The following AGGF1 variants were observed in gnomAD, a reference collection of about 807,000 sequenced individuals.
AGGF1 encodes the protein angiogenic factor with G-patch and FHA domains 1.
A neutral mutation model predicts 86.5 loss-of-function variants in AGGF1; 56 were observed. The ratio of observed to expected loss-of-function variants is 0.65; its 90% confidence interval spans 0.52 to 0.81. AGGF1 has a LOEUF of 0.81. Among genes scored for constraint, AGGF1 ranks in the 30% least tolerant of loss-of-function variants. The pLI is 0.00. For synonymous variants in AGGF1, 313 were observed against 297.1 expected (o/e 1.05, Z -0.55); for missense variants, 816 against 850.9 (o/e 0.96, Z 0.51).
intron 4 of AGGF1, among the ~76,000 whole-genome samples, chr5:77,037,202 A>G (rs1450996435): frequency 6.6e-6 from 1 of 152,216 alleles, no homozygotes. Flanking sequence ...AGAAGTCTTT[A>G]TGTATAAAAA....
chr5:77,041,383 AT>A lies in AGGF1; in HGVS notation c.870+1665del, dbSNP rs1221073436. ...GGAGTTCAAGACCAGCCTGGCCAAC[AT>A]GGTGAATCCCCGTCTCTACTAAAAA... On this transcript the variant is annotated intron_variant, in intron 5 of 13. Coordinates refer to ENST00000312916, the MANE Select transcript of AGGF1 (RefSeq NM_018046.5). Among the ~76,000 whole-genome samples, 24 of 152,164 alleles carry A rather than the reference AT, an allele frequency of 1.6e-4. No individual in the cohort carries two copies. The East Asian group carries it at 3.7e-3, about 23-fold the overall frequency.
chr5:77,043,663 G>A (rs1460642500), intron 5 of AGGF1, among the ~76,000 whole-genome samples: 3 of 141,266 alleles, frequency 2.1e-5, no homozygotes, highest in Admixed American at 1.4e-4. Flanking sequence ...TGGGGCGGCT[G>A]GCCGGGCGGG....
At chr5:77,054,273 C>A in intron 10 of AGGF1, 143 bp downstream of exon 10, 1 of 1,001,956 alleles carries the variant, frequency 1.0e-6, no homozygotes, top group Non-Finnish European at 1.5e-6. Flanking sequence ...AGCTATCAGT[C>A]TTGTATCCAG....
intron 8 of AGGF1, among the ~76,000 whole-genome samples, chr5:77,051,628 A>G (rs1747374877): frequency 6.6e-6 from 1 of 152,236 alleles, no homozygotes; most frequent in Non-Finnish European, 1.5e-5. Flanking sequence ...ACCACTTTGG[A>G]AAACAGTTAT....
chr5:77,050,487 G>A (rs1164491859), intron 8 of AGGF1, among the ~76,000 whole-genome samples: 1 of 151,530 alleles, frequency 6.6e-6, no homozygotes, highest in Non-Finnish European at 1.5e-5. Context: ...GGCTTCTGGT[G>A]GCATTTCTGT....
intron 8 of AGGF1, among the ~76,000 whole-genome samples, chr5:77,052,130 A>T (rs111584831): frequency 0.032 from 4,920 of 152,198 alleles, 242 homozygotes; most frequent in African/African-American, 0.11. Context: ...AGGCGGGAGG[A>T]TCACTTGAGC....
intron 5 of AGGF1, 62 bp from the exon 6 acceptor site, chr5:77,046,285 T>C (rs1747245463): frequency 7.5e-7 from 1 of 1,341,264 alleles, no homozygotes; most frequent in Non-Finnish European, 1.1e-6. Context: ...TGTAATGTTA[T>C]AAGATAGTGA....
rs1561287714 is a variant in AGGF1 at position 77,046,463 on chromosome 5, TC to T, written c.993del (p.Val333SerfsTer10). On this transcript the variant is annotated frameshift_variant, in exon 6 of 14. Coordinates refer to ENST00000312916, the MANE Select transcript of AGGF1 (RefSeq NM_018046.5). LOFTEE classifies it high-confidence loss of function. ...AKIGIHHKNSPPKVTVPTSGN... is the reference protein window; with the variant it reads ...AKIGIHHKNSXPKVTVPTSGN... ...AAATAGGCATTCATCACAAAAATAGTCCCCCCAAAGTCACTGTTCCAACTAG... is the reference window on the plus strand; with the variant it reads ...AAATAGGCATTCATCACAAAAATAGTCCCCCAAAGTCACTGTTCCAACTAG... The T allele has an allele frequency of 1.9e-6, 3 of 1,613,680 alleles. No homozygotes were observed. Among genetic ancestry groups the T allele is most frequent in the Non-Finnish European group, 2.5e-6 (3 of 1,179,914 alleles).
At chr5:77,052,576 C>T (rs1032330698) in intron 8 of AGGF1, 130 bp from the exon 9 acceptor site, 18 of 632,550 alleles carry the variant, frequency 2.8e-5, no homozygotes, top group Non-Finnish European at 4.7e-5. Flanking sequence ...GTTTGTGTTT[C>T]TAAAAAAGTA....
chr5:77,041,969 G>GGGTACT (rs2150729299), intron 5 of AGGF1, among the ~76,000 whole-genome samples: 1 of 151,060 alleles, frequency 6.6e-6, no homozygotes, highest in South Asian at 2.1e-4. Flanking sequence ...GCCTTCCGCA[G>GGGTACT]TGTTTGTGTC....
At chr5:77,031,874 A>G (rs977033753) in intron 1 of AGGF1, among the ~76,000 whole-genome samples, 1 of 152,178 alleles carries the variant, frequency 6.6e-6, no homozygotes, top group Non-Finnish European at 1.5e-5. Context: ...ACTGCACTCC[A>G]GCCAGGGCGA....
chr5:77,032,274 A>AAAAAC (rs201713813), intron 1 of AGGF1, among the ~76,000 whole-genome samples: 2 of 149,038 alleles, frequency 1.3e-5, no homozygotes, highest in East Asian at 2.0e-4. Context: ...AAAAAAAAAA[A>AAAAAC]CAGGGAGAGG....
In AGGF1 at chr5:77,041,386, G is replaced by A. The variant is rs1281257465; in HGVS notation, c.870+1667G>A. Among the ~76,000 whole-genome samples, 25 of 152,106 alleles carry A rather than the reference G, an allele frequency of 1.6e-4. No homozygotes were observed. The East Asian group carries it at 3.7e-3, about 22-fold the overall frequency. On this transcript the variant is annotated intron_variant, in intron 5 of 13. Coordinates refer to ENST00000312916, the MANE Select transcript of AGGF1 (RefSeq NM_018046.5). Reference sequence around the variant, plus strand: ...GTTCAAGACCAGCCTGGCCAACATGGTGAATCCCCGTCTCTACTAAAAATA... The same window carrying A: ...GTTCAAGACCAGCCTGGCCAACATGATGAATCCCCGTCTCTACTAAAAATA...
chr5:77,056,332 G>T (rs1747458242), intron 11 of AGGF1, among the ~76,000 whole-genome samples: 2 of 144,868 alleles, frequency 1.4e-5, no homozygotes, highest in Non-Finnish European at 3.0e-5. Context: ...GGGTTCAAAT[G>T]ATTGTCCTGC....
intron 4 of AGGF1, 21 bp downstream of exon 4, chr5:77,036,741 T>C: frequency 6.2e-7 from 1 of 1,609,578 alleles, no homozygotes; most frequent in South Asian, 1.1e-5. Context: ...CAGACCTTTT[T>C]GTTTTGTTTT....
intron 2 of AGGF1, among the ~76,000 whole-genome samples, chr5:77,034,859 A>G (rs1477426872): frequency 6.6e-6 from 1 of 152,224 alleles, no homozygotes; most frequent in African/African-American, 2.4e-5. Context: ...TGTTCTAATT[A>G]GAATTATGTA....
At position 77,043,801 on chromosome 5, in the gene AGGF1, G is replaced by T. The variant is rs1378819156; in HGVS notation, c.871-2546G>T. On this transcript the variant is annotated intron_variant, in intron 5 of 13. Coordinates refer to ENST00000312916, the MANE Select transcript of AGGF1 (RefSeq NM_018046.5). ...TCTCAGAGTGGGCAGCTGCCGGGCG[G>T]AGGGGCTCCTCACTTCTCAGACGGG... 5.8e-3 allele frequency among the ~76,000 whole-genome samples: 694 copies of T among 119,748 alleles called. 8 individuals are homozygous for T. Among genetic ancestry groups the T allele is most frequent in the African/African-American group, 0.019 (644 of 33,362 alleles). 78.6% of individuals were successfully genotyped at this position (119,748 alleles called of 152,430 possible).
chr5:77,051,881 C>A (rs1228195144), intron 8 of AGGF1, among the ~76,000 whole-genome samples: 1 of 152,140 alleles, frequency 6.6e-6, no homozygotes, highest in Non-Finnish European at 1.5e-5. Context: ...GAATGAACGA[C>A]AACTCTATAA....
chr5:77,054,231 T>TA, intron 10 of AGGF1, 101 bp downstream of exon 10: 1 of 1,350,584 alleles, frequency 7.4e-7, no homozygotes, highest in Admixed American at 1.7e-5. Flanking sequence ...GTCTAATTGA[T>TA]ACGATACTGC....
Sources: allele counts gnomAD v4.1 joint callset (sites outside exome capture counted in the v4.1 genomes callset), GRCh38; gene constraint gnomAD v4.1.1; transcripts MANE v1.5; gene names NCBI Gene and HGNC (gene_info 2026-07-23, HGNC 2026-07-21).